Variants in PRDX3 observed in about 807,000 individuals in gnomAD.
PRDX3 encodes thioredoxin-dependent peroxide reductase, mitochondrial.
PRDX3 carries 20 observed loss-of-function variants against 30.4 expected under a neutral mutation model. The observed-to-expected ratio is 0.66, with a 90% CI of 0.46 to 0.96. The LOEUF is 0.96. Among genes scored for constraint, PRDX3 ranks in the 40% least tolerant of loss-of-function variants. The pLI is 0.00. For synonymous variants in PRDX3, 124 were observed against 117.8 expected, an observed-to-expected ratio of 1.05 and a Z score of -0.34; for missense variants, 322 against 318.3, an observed-to-expected ratio of 1.01 and a Z score of -0.09.
In PRDX3 at chr10:119,172,384, T is replaced by C; in HGVS notation, c.549A>G (p.Leu183=). 1.2e-6 allele frequency: 2 copies of C among 1,604,560 alleles called. No homozygotes were observed. Among genetic ancestry groups the C allele is most frequent in the South Asian group, 1.1e-5 (1 of 90,858 alleles). ...GVLLEGSGLA[L]RGLFIIDPNG... ...GTTCATCAGAAACAGGATCTTACCTTAGTGCAAGACCAGAACCTTCTAACA... is the reference window on the plus strand; with the variant it reads ...GTTCATCAGAAACAGGATCTTACCTCAGTGCAAGACCAGAACCTTCTAACA... The change falls in exon 5 of 7, where the codon CTA becomes CTG. Residue 183 remains leucine, a splice_region_variant and synonymous_variant. Coordinates refer to ENST00000298510, the MANE Select transcript of PRDX3 (RefSeq NM_006793.5).
intron 4 of PRDX3, 110 bp from the exon 5 acceptor site, chr10:119,172,595 A>G (rs371021446): frequency 3.3e-6 from 3 of 897,428 alleles, no homozygotes; most frequent in African/African-American, 1.6e-5. Flanking sequence ...CAGTAATTCA[A>G]CAACGGGCCA....
chr10:119,178,518 G>C (rs1159443564), intron 1 of PRDX3, among the ~76,000 whole-genome samples: 3 of 152,246 alleles, frequency 2.0e-5, no homozygotes, highest in East Asian at 3.8e-4. Flanking sequence ...CCTGGGGACC[G>C]GGGACGCCGA....
chr10:119,178,128 G>C (rs1023088677), intron 1 of PRDX3, among the ~76,000 whole-genome samples: 116 of 152,070 alleles, frequency 7.6e-4, no homozygotes, highest in African/African-American at 2.5e-3. Flanking sequence ...CTCCCAAAGT[G>C]CTAGGATTAC....
In PRDX3 at chr10:119,177,042, G is replaced by C; in HGVS notation, c.148C>G (p.Gln50Glu). The change falls in exon 2 of 7, where the codon CAA becomes GAA. Residue 50 changes from glutamine to glutamate, a missense_variant. Gln to Glu is a conservative substitution (Grantham distance 29, BLOSUM62 2). Transcript: ENST00000298510. ...TTACTGGTGCTGAATAATTTTGCTTGACTGGAACCAGAACACAATAAATTT... is the reference window on the plus strand; with the variant it reads ...TTACTGGTGCTGAATAATTTTGCTTCACTGGAACCAGAACACAATAAATTT... ...LTNLLCSGSS[Q>E]AKLFSTSSSC... is the part of the protein sequence containing the mutation. The C allele has an allele frequency of 1.9e-6, 3 of 1,614,082 alleles. No homozygotes were observed. The highest frequency in any genetic ancestry group is 2.5e-6 in the Non-Finnish European group (3 of 1,179,956).
In PRDX3 at chr10:119,172,417, G is replaced by A. The variant is rs150345617; in HGVS notation, c.516C>T (p.Tyr172=). ...GACCAGAACCTTCTAACAGCACACCGTAGTCTCGGGAAATCTGCTTAGTTA... is the reference window on the plus strand; with the variant it reads ...GACCAGAACCTTCTAACAGCACACCATAGTCTCGGGAAATCTGCTTAGTTA... ...SDLTKQISRD[Y]GVLLEGSGLA... The change falls in exon 5 of 7, where the codon TAC becomes TAT. Residue 172 remains tyrosine, a synonymous_variant. Coordinates refer to ENST00000298510, the MANE Select transcript of PRDX3 (RefSeq NM_006793.5). 112 of 1,613,930 alleles carry A rather than the reference G, an allele frequency of 6.9e-5. 1 individual carries two copies. The African/African-American group carries it at 1.0e-3, about 15-fold the overall frequency.
chr10:119,169,171 A>T lies in PRDX3; in HGVS notation c.717+6T>A, dbSNP rs754252835. 2 of 1,611,006 alleles carry T rather than the reference A, an allele frequency of 1.2e-6. No individual in the cohort carries two copies. Among genetic ancestry groups the T allele is most frequent in the South Asian group, 1.1e-5 (1 of 90,956 alleles). On this transcript the variant is annotated splice_donor_region_variant and intron_variant, in intron 6 of 6. Coordinates refer to ENST00000298510, the MANE Select transcript of PRDX3 (RefSeq NM_006793.5). ...GACCTCACTGCTTTTGGGGAAAAAA[A>T]CCTACCGTAGGAGAATCCGGTGTCC...
At chr10:119,177,643 C>G (rs1260533464) in intron 1 of PRDX3, among the ~76,000 whole-genome samples, 2 of 131,670 alleles carry the variant, frequency 1.5e-5, no homozygotes, top group Admixed American at 7.3e-5. Flanking sequence ...GGCGACAACT[C>G]CGTCTCAAAA....
intron 4 of PRDX3, 44 bp from the exon 5 acceptor site, chr10:119,172,529 A>G: frequency 6.7e-7 from 1 of 1,492,222 alleles, no homozygotes. Flanking sequence ...GTGGCCTCAC[A>G]ACATTCTTGA....
chr10:119,178,033 AT>A (rs902039137), intron 1 of PRDX3, among the ~76,000 whole-genome samples: 151 of 144,484 alleles, frequency 1.0e-3, no homozygotes, highest in Non-Finnish European at 1.5e-3. Context: ...ATGCCCGGCT[AT>A]TTTTTTTTTT....
intron 2 of PRDX3, 149 bp downstream of exon 2, chr10:119,176,872 A>C: frequency 1.1e-6 from 1 of 918,236 alleles, no homozygotes. Flanking sequence ...CCACAGACTA[A>C]CTTGTCTGGG....
chr10:119,175,124 G>A (rs1847997020), intron 2 of PRDX3, among the ~76,000 whole-genome samples: 1 of 152,200 alleles, frequency 6.6e-6, no homozygotes, highest in African/African-American at 2.4e-5. Flanking sequence ...AAAAGAGGAA[G>A]ACAAAGTAGG....
chr10:119,175,119 A>T (rs926748537), intron 2 of PRDX3, among the ~76,000 whole-genome samples: 4 of 152,234 alleles, frequency 2.6e-5, no homozygotes, highest in Non-Finnish European at 5.9e-5. Flanking sequence ...AACTAAAAAG[A>T]GGAAGACAAA....
At chr10:119,170,425 G>A (rs1847877964) in intron 5 of PRDX3, 1 of 152,134 alleles carries the variant, frequency 6.6e-6, no homozygotes, top group Admixed American at 6.6e-5. Flanking sequence ...GCCAGACTCA[G>A]CTTCTCTCTC....
chr10:119,173,167 T>C (rs1029776227), intron 4 of PRDX3, among the ~76,000 whole-genome samples: 1 of 152,150 alleles, frequency 6.6e-6, no homozygotes, highest in Admixed American at 6.5e-5. Context: ...CTCGATCTCC[T>C]GACTTTGTGA....
intron 3 of PRDX3, 146 bp from the exon 4 acceptor site, chr10:119,174,018 A>G: frequency 1.5e-6 from 1 of 667,916 alleles, no homozygotes; most frequent in Non-Finnish European, 2.3e-6. Context: ...TTGTGCTGGC[A>G]AAAGTACTAC....
chr10:119,175,739 G>A (rs2133662725), intron 2 of PRDX3, among the ~76,000 whole-genome samples: 1 of 151,700 alleles, frequency 6.6e-6, no homozygotes, highest in Non-Finnish European at 1.5e-5. Context: ...GAGGGAAAGA[G>A]GAGCAGGAGG....
intron 2 of PRDX3, among the ~76,000 whole-genome samples, chr10:119,176,105 G>A (rs542345322): frequency 8.5e-5 from 13 of 152,084 alleles, no homozygotes; most frequent in East Asian, 1.9e-4. Flanking sequence ...GATCTTAGAC[G>A]TATTGAGGGG....
At chr10:119,169,034 T>C (rs1847837273) in intron 6 of PRDX3, 143 bp downstream of exon 6, 54 of 431,142 alleles carry the variant, frequency 1.3e-4, no homozygotes, top group Non-Finnish European at 1.8e-4. Flanking sequence ...CCCCACCCCC[T>C]CTACCCCACA....
intron 5 of PRDX3, 191 bp from the exon 6 acceptor site, chr10:119,169,533 A>G: frequency 1.9e-6 from 1 of 534,052 alleles, no homozygotes; most frequent in Non-Finnish European, 3.3e-6. Flanking sequence ...TGCTTTAACA[A>G]AGGCAGTACT....
Sources: gnomAD v4.1 joint callset for allele counts (sites outside exome capture counted in the v4.1 genomes callset) on GRCh38, gnomAD v4.1.1 for gene constraint, MANE v1.5 for transcripts, NCBI Gene and HGNC (gene_info 2026-07-23, HGNC 2026-07-21) for gene names.